HTT-AS: variants seen among roughly 807,000 people sequenced by gnomAD.
The protein encoded by HTT-AS is HTT antisense RNA (head to head).
At chr4:3,057,800 T>C (rs1309779109) in intron 2 of HTT-AS, among the ~76,000 whole-genome samples, 1 of 151,694 alleles carries the variant, frequency 6.6e-6, no homozygotes, top group Non-Finnish European at 1.5e-5. Flanking sequence ...ATTTTTTGTA[T>C]TTTTAGTAGA....
intron 1 of HTT-AS, among the ~76,000 whole-genome samples, chr4:3,065,480 G>A (rs116795936): frequency 0.019 from 2,912 of 152,230 alleles, 54 homozygotes; most frequent in Middle Eastern, 0.034. Flanking sequence ...CCAACCTCAC[G>A]TACTGGGATT....
chr4:3,060,128 T>C (rs1711898925), intron 2 of HTT-AS, among the ~76,000 whole-genome samples: 1 of 152,174 alleles, frequency 6.6e-6, no homozygotes, highest in Non-Finnish European at 1.5e-5. Context: ...CTAAGTGTGA[T>C]GAAATGGTTG....
intron 2 of HTT-AS, among the ~76,000 whole-genome samples, chr4:3,056,831 A>G (rs1421329537): frequency 6.6e-6 from 1 of 152,020 alleles, no homozygotes; most frequent in African/African-American, 2.4e-5. Flanking sequence ...TCATACAGTC[A>G]CCCCCACCAT....
intron 2 of HTT-AS, among the ~76,000 whole-genome samples, chr4:3,054,720 A>ATT (rs1022446171): frequency 5.8e-5 from 8 of 138,926 alleles, no homozygotes; most frequent in African/African-American, 2.2e-4. Flanking sequence ...TTTTCTTTCT[A>ATT]TTTTTTTTTT....
intron 2 of HTT-AS, among the ~76,000 whole-genome samples, chr4:3,058,127 G>T (rs566872424): frequency 3.5e-4 from 53 of 151,846 alleles, no homozygotes; most frequent in African/African-American, 6.3e-4. Context: ...AGGAGTTTGA[G>T]ACCAGCTTGA....
downstream of HTT-AS, among the ~76,000 whole-genome samples, chr4:3,048,688 A>C (rs1396655044): frequency 1.3e-5 from 2 of 152,142 alleles, no homozygotes; most frequent in Non-Finnish European, 2.9e-5. Context: ...TGTTTAGTCA[A>C]TTCTATTATT....
At chr4:3,056,009 G>T (rs914718439) in intron 2 of HTT-AS, among the ~76,000 whole-genome samples, 10 of 152,120 alleles carry the variant, frequency 6.6e-5, no homozygotes, top group Non-Finnish European at 1.0e-4. Context: ...AAAACTCAGA[G>T]AGCTCGAAAC....
At chr4:3,056,340 C>T (rs889749260) in intron 2 of HTT-AS, among the ~76,000 whole-genome samples, 10 of 152,288 alleles carry the variant, frequency 6.6e-5, no homozygotes, top group African/African-American at 2.2e-4. Context: ...CGGGAAGTGA[C>T]GTACAGAAAT....
At chr4:3,067,851 G>C (rs1428199386) in intron 1 of HTT-AS, among the ~76,000 whole-genome samples, 3 of 152,172 alleles carry the variant, frequency 2.0e-5, no homozygotes, top group Non-Finnish European at 4.4e-5. Flanking sequence ...TGGCCAACAA[G>C]CAGACTTGTC....
At chr4:3,051,709 A>G (rs1184929583) in intron 2 of HTT-AS, among the ~76,000 whole-genome samples, 2 of 151,568 alleles carry the variant, frequency 1.3e-5, no homozygotes, top group Non-Finnish European at 2.9e-5. Flanking sequence ...AATGGAAAAA[A>G]GGATTTGTGA....
intron 2 of HTT-AS, among the ~76,000 whole-genome samples, chr4:3,051,030 T>TTGTGTGTGTGTGTGTGTGTGTG (rs59615689): frequency 8.2e-6 from 1 of 122,484 alleles, no homozygotes; most frequent in Non-Finnish European, 1.7e-5. Context: ...CCCTTACAAT[T>TTGTGTGTGTGTGTGTGTGTGTG]TGTGTGTGTG....
intron 2 of HTT-AS, among the ~76,000 whole-genome samples, chr4:3,052,415 T>G (rs936057272): frequency 6.6e-6 from 1 of 152,182 alleles, no homozygotes; most frequent in African/African-American, 2.4e-5. Flanking sequence ...TGGGACTCCT[T>G]GGGAAAACAG....
At chr4:3,070,855 G>A (rs1226996934) in intron 1 of HTT-AS, among the ~76,000 whole-genome samples, 1 of 152,166 alleles carries the variant, frequency 6.6e-6, no homozygotes, top group African/African-American at 2.4e-5. Flanking sequence ...TGTTTGCATA[G>A]GATAAATTAC....
Position 3,050,130 on chromosome 4 carries a change from A to G in HTT-AS, n.1381-432T>C, listed in dbSNP as rs1711676664. Reference sequence around the variant, plus strand: ...TTAATAACAAAAGCTTTAAGGACTCAGGAAGGACAAGGTGGCCGTCCTGGT... The same window carrying G: ...TTAATAACAAAAGCTTTAAGGACTCGGGAAGGACAAGGTGGCCGTCCTGGT... On this transcript the variant is annotated intron_variant and non_coding_transcript_variant, in intron 2 of 2. Coordinates refer to ENST00000664062, the Ensembl canonical transcript of HTT-AS. Among the ~76,000 whole-genome samples, 3 of 152,324 alleles carry G rather than the reference A, an allele frequency of 2.0e-5. No individual in the cohort carries two copies. The South Asian group carries it at 6.2e-4, about 32-fold the overall frequency.
At chr4:3,061,986 TAAAAAAAAAA>T (rs548695397) in intron 2 of HTT-AS, among the ~76,000 whole-genome samples, 9 of 63,420 alleles carry the variant, frequency 1.4e-4, no homozygotes, top group South Asian at 1.3e-3. Context: ...TATCTCAAAT[TAAAAAAAAAA>T]AAAAAAAAAA....
At position 3,054,959 on chromosome 4, in the gene HTT-AS, C is replaced by T. The variant is rs182910970; in HGVS notation, n.1381-5261G>A. Among the ~76,000 whole-genome samples, 138 of 151,960 alleles carry T rather than the reference C, an allele frequency of 9.1e-4. 3 individuals carry two copies. The East Asian group carries it at 0.011, about 12-fold the overall frequency. ...TGAACTCCTGACCTCGTGATCTGCCCGCCTCCACCTCCCAAAGTGCTAGGA... is the reference window on the plus strand; with the variant it reads ...TGAACTCCTGACCTCGTGATCTGCCTGCCTCCACCTCCCAAAGTGCTAGGA... On this transcript the variant is annotated intron_variant and non_coding_transcript_variant, in intron 2 of 2. Transcript: ENST00000664062.
At chr4:3,057,065 G>A (rs984104420) in intron 2 of HTT-AS, among the ~76,000 whole-genome samples, 9 of 150,034 alleles carry the variant, frequency 6.0e-5, no homozygotes, top group East Asian at 2.0e-4. Flanking sequence ...GCAGAGTCTC[G>A]CTCTGTCGCC....
At chr4:3,050,809 T>A (rs911269792) in intron 2 of HTT-AS, among the ~76,000 whole-genome samples, 2 of 152,174 alleles carry the variant, frequency 1.3e-5, no homozygotes, top group African/African-American at 4.8e-5. Flanking sequence ...ATGCTTCCCA[T>A]GTAACTTAAC....
At position 3,049,729 on chromosome 4, in the gene HTT-AS, C is replaced by T. The variant is rs1578463514; in HGVS notation, n.1381-31G>A. ...ATGCAAAGGGTTTGACCTCAGTGAACCATAGAAAAATATACTGTAGCATAA... is the reference window on the plus strand; with the variant it reads ...ATGCAAAGGGTTTGACCTCAGTGAATCATAGAAAAATATACTGTAGCATAA... On this transcript the variant is annotated intron_variant and non_coding_transcript_variant, in intron 2 of 2. Coordinates refer to ENST00000664062, the Ensembl canonical transcript of HTT-AS. Among the ~76,000 whole-genome samples, 3 of 152,112 alleles carry T rather than the reference C, an allele frequency of 2.0e-5. No homozygotes were observed. In the South Asian group the frequency reaches 6.2e-4, roughly 32 times the overall value.
Sources: allele counts gnomAD v4.1 joint callset (sites outside exome capture counted in the v4.1 genomes callset), GRCh38; gene constraint gnomAD v4.1.1; transcripts MANE v1.5; gene names NCBI Gene and HGNC (gene_info 2026-07-23, HGNC 2026-07-21).